ESRP1: variants seen among roughly 807,000 people sequenced by gnomAD.
ESRP1 encodes epithelial splicing regulatory protein 1, also known as RNA-binding motif protein 35A.
ESRP1 carries 33 observed loss-of-function variants against 81.7 expected under a neutral mutation model. That is an observed-to-expected ratio of 0.40 (90% CI 0.31 to 0.54). The LOEUF (loss-of-function observed/expected upper bound fraction) is 0.54. ESRP1 is among the 20% of genes least tolerant of loss of function. ESRP1 has a pLI of 0.41. For missense variants in ESRP1, 672 were observed against 833.1 expected (o/e 0.81, Z 2.38); for synonymous variants, 320 against 303.3 (o/e 1.06, Z -0.57).
chr8:94,703,983 C>A (rs376580345), intron 15 of ESRP1, among the ~76,000 whole-genome samples: 1 of 152,116 alleles, frequency 6.6e-6, no homozygotes, highest in Non-Finnish European at 1.5e-5. Context: ...AAAGGAGAAG[C>A]CTTTCAGCAT....
At chr8:94,700,953 A>ATG (rs371493650) in intron 15 of ESRP1, among the ~76,000 whole-genome samples, 2,528 of 137,352 alleles carry the variant, frequency 0.018, 31 homozygotes, top group South Asian at 0.085. Context: ...GTGTGTGTGT[A>ATG]TGTGTGTGTG....
At chr8:94,650,175 T>G (rs1818051031) in intron 4 of ESRP1, among the ~76,000 whole-genome samples, 1 of 152,242 alleles carries the variant, frequency 6.6e-6, no homozygotes, top group Non-Finnish European at 1.5e-5. Flanking sequence ...CTATGGATTT[T>G]GACAAACGTA....
In ESRP1 at chr8:94,706,505, A is replaced by AT. The variant is rs1484217098; in HGVS notation, c.*616_*617insT. ...TTAAATTTTAAAACACCTGAAGATA[A>AT]ATTAGAAGAAATTGTGCACCCTCCA... On this transcript the variant is annotated 3_prime_UTR_variant, in exon 16 of 16. Transcript: ENST00000433389. 1.3e-5 allele frequency: 2 copies of AT among 152,524 alleles called. No homozygotes were observed. Among genetic ancestry groups the AT allele is most frequent in the Non-Finnish European group, 2.9e-5 (2 of 68,056 alleles). The allele number at this position is 152,524 out of a possible 1,614,324, so 9.4% of individuals were successfully genotyped here.
At chr8:94,699,303 A>C (rs563568122) in intron 15 of ESRP1, among the ~76,000 whole-genome samples, 1 of 152,026 alleles carries the variant, frequency 6.6e-6, no homozygotes, top group African/African-American at 2.4e-5. Context: ...TCTTTTCATC[A>C]TAATAAAGTC....
chr8:94,704,368 G>A (rs1190367849), intron 15 of ESRP1, among the ~76,000 whole-genome samples: 3 of 151,958 alleles, frequency 2.0e-5, no homozygotes, highest in Non-Finnish European at 4.4e-5. Context: ...GCACTTTACA[G>A]TACTTTAGAA....
intron 13 of ESRP1, among the ~76,000 whole-genome samples, chr8:94,690,556 A>G (rs547504913): frequency 6.6e-6 from 1 of 152,190 alleles, no homozygotes; most frequent in South Asian, 2.1e-4. Flanking sequence ...AATAAGGATA[A>G]GAATCCAAAT....
intron 12 of ESRP1, among the ~76,000 whole-genome samples, chr8:94,676,171 G>T (rs150937803): frequency 6.6e-6 from 1 of 151,960 alleles, no homozygotes; most frequent in Non-Finnish European, 1.5e-5. Flanking sequence ...GTCAGGAGTG[G>T]CCAACATGGT....
chr8:94,669,874 CAA>C (rs1263306176), intron 10 of ESRP1, among the ~76,000 whole-genome samples: 203 of 89,610 alleles, frequency 2.3e-3, no homozygotes, highest in Middle Eastern at 6.5e-3. Flanking sequence ...CTCCCGCTAC[CAA>C]AAAAAAAAAA....
intron 4 of ESRP1, among the ~76,000 whole-genome samples, chr8:94,658,693 G>A (rs72676917): frequency 6.6e-6 from 1 of 152,178 alleles, no homozygotes; most frequent in Non-Finnish European, 1.5e-5. Context: ...ATTCTTTTTT[G>A]AGATTGATTG....
Position 94,692,917 on chromosome 8 carries a change from A to G in ESRP1, c.1971+90A>G, listed in dbSNP as rs536214457. 6.4e-4 allele frequency: 886 copies of G among 1,389,620 alleles called. 11 individuals carry two copies. The South Asian group carries it at 9.6e-3, about 15-fold the overall frequency. 86.1% of individuals were successfully genotyped at this position (1,389,620 alleles called of 1,614,324 possible). On this transcript the variant is annotated intron_variant, in intron 14 of 15. Transcript: ENST00000433389. ...TGCAGCCAGGAAAGAAACAGATTCT[A>G]TGAAACTCGTGTGTGTATATATGCT...
At chr8:94,668,788 C>CGTGTGT (rs771754492) in intron 10 of ESRP1, among the ~76,000 whole-genome samples, 34 of 76,788 alleles carry the variant, frequency 4.4e-4, no homozygotes, top group African/African-American at 5.5e-4. Context: ...TAGCTTTCAG[C>CGTGTGT]ATGTGTGTGT....
intron 4 of ESRP1, among the ~76,000 whole-genome samples, chr8:94,659,302 C>A (rs1161707101): frequency 6.6e-6 from 1 of 152,198 alleles, no homozygotes; most frequent in Non-Finnish European, 1.5e-5. Flanking sequence ...ACCTTTCAAA[C>A]TTTTTCATTA....
chr8:94,664,445 A>T (rs1041597446), intron 6 of ESRP1, among the ~76,000 whole-genome samples: 2 of 152,064 alleles, frequency 1.3e-5, no homozygotes, highest in African/African-American at 4.8e-5. Flanking sequence ...TGATAGATAG[A>T]TGGTTTGCTG....
intron 4 of ESRP1, among the ~76,000 whole-genome samples, chr8:94,651,003 C>T (rs1333767125): frequency 6.6e-6 from 1 of 152,072 alleles, no homozygotes; most frequent in Admixed American, 6.6e-5. Flanking sequence ...CCACTCCTAG[C>T]CTAGGTTTTT....
At chr8:94,681,346 A>C (rs1379785402) in intron 13 of ESRP1, among the ~76,000 whole-genome samples, 3 of 144,908 alleles carry the variant, frequency 2.1e-5, no homozygotes, top group African/African-American at 2.6e-5. Flanking sequence ...AAAAAAAAAA[A>C]AAAAAAACTG....
At chr8:94,699,864 G>A (rs1396309132) in intron 15 of ESRP1, among the ~76,000 whole-genome samples, 2 of 150,438 alleles carry the variant, frequency 1.3e-5, no homozygotes, top group Non-Finnish European at 3.0e-5. Flanking sequence ...ATGCAATTTT[G>A]AACCTTGTTT....
chr8:94,706,040 A>G lies in ESRP1; in HGVS notation c.*151A>G, dbSNP rs1353213817. 7.9e-7 allele frequency: 1 copy of G among 1,270,584 alleles called. No homozygotes were observed. Among genetic ancestry groups the G allele is most frequent in the Non-Finnish European group, 1.1e-6 (1 of 924,422 alleles). 78.7% of individuals were successfully genotyped at this position (1,270,584 alleles called of 1,614,324 possible). A position where few individuals can be genotyped will look rare whatever the true frequency, so the allele number is the denominator to read the frequency against. On this transcript the variant is annotated 3_prime_UTR_variant, in exon 16 of 16. Transcript: ENST00000433389. ...GTATTTTCAGCAAACTTGATTGGAC[A>G]AACGGGCCTGTGCCTTATCTTTTGG...
chr8:94,702,032 C>T (rs560792555), intron 15 of ESRP1, among the ~76,000 whole-genome samples: 8 of 152,172 alleles, frequency 5.3e-5, no homozygotes, highest in Non-Finnish European at 7.3e-5. Context: ...GAGCTGTCAT[C>T]GTGCCACTGC....
chr8:94,667,951 A>G lies in ESRP1; in HGVS notation c.934A>G (p.Thr312Ala), dbSNP rs1819109982. Residue 312 changes from threonine (T) to alanine (A), a missense_variant and splice_region_variant, in exon 10 of 16, where the codon ACT becomes GCT. Coordinates refer to ENST00000433389, the MANE Select transcript of ESRP1 (RefSeq NM_017697.4). ...GEDFLKIAGG[T>A]SNEVAQFLSK... ...TTCCTAATATTTGTTTTCCCTAGGTACTTCCAATGAGGTAGCCCAGTTTCT... is the reference window on the plus strand; with the variant it reads ...TTCCTAATATTTGTTTTCCCTAGGTGCTTCCAATGAGGTAGCCCAGTTTCT... 6.3e-7 allele frequency: 1 copy of G among 1,576,438 alleles called. No homozygotes were observed. The highest frequency in any genetic ancestry group is 8.6e-7 in the Non-Finnish European group (1 of 1,160,880).
Sources: gnomAD v4.1 joint callset for allele counts (sites outside exome capture counted in the v4.1 genomes callset) on GRCh38, gnomAD v4.1.1 for gene constraint, MANE v1.5 for transcripts, NCBI Gene and HGNC (gene_info 2026-07-23, HGNC 2026-07-21) for gene names.